DPP10: variants seen among roughly 807,000 people sequenced by gnomAD.
DPP10 encodes dipeptidyl peptidase like 10.
Under a neutral mutation model 120.9 loss-of-function variants are expected in DPP10, and 33 were observed. That is an observed-to-expected ratio of 0.27 (90% CI 0.21 to 0.37). DPP10 has a LOEUF of 0.37. Among genes scored for constraint, DPP10 ranks in the 10% least tolerant of loss-of-function variants. The probability of loss-of-function intolerance (pLI) is 1.00; values close to 1 mark genes in which losing one functional copy is unlikely to be tolerated. For synonymous variants in DPP10, 337 were observed against 326.1 expected (o/e 1.03, Z -0.36); for missense variants, 816 against 942.8 (o/e 0.87, Z 1.76).
At chr2:115,768,198 A>C in intron 12 of DPP10, 99 bp from the exon 13 acceptor site, 1 of 949,186 alleles carries the variant, frequency 1.1e-6, no homozygotes, top group Non-Finnish European at 1.5e-6. Context: ...ACTAATTATA[A>C]ATCAATATTT....
At chr2:114,758,852 G>A (rs1055954906) in intron 1 of DPP10, among the ~76,000 whole-genome samples, 14 of 152,118 alleles carry the variant, frequency 9.2e-5, no homozygotes, top group South Asian at 2.1e-4. Flanking sequence ...AGGTTTCATC[G>A]TGAAATTAAA....
intron 1 of DPP10, among the ~76,000 whole-genome samples, chr2:114,566,906 C>T (rs1689245969): frequency 6.6e-6 from 1 of 152,218 alleles, no homozygotes; most frequent in African/African-American, 2.4e-5. Context: ...TCTGCCCTGG[C>T]ATTATCATGG....
At chr2:114,744,776 T>C (rs1281825867) in intron 1 of DPP10, among the ~76,000 whole-genome samples, 1 of 152,124 alleles carries the variant, frequency 6.6e-6, no homozygotes, top group African/African-American at 2.4e-5. Context: ...AATTTGTTTT[T>C]TTTTAGACGG....
At chr2:115,455,197 T>C (rs1018289059) in intron 3 of DPP10, among the ~76,000 whole-genome samples, 3 of 151,930 alleles carry the variant, frequency 2.0e-5, no homozygotes, top group African/African-American at 7.2e-5. Context: ...GTTCATGAAT[T>C]GTAAGTCTCC....
intron 5 of DPP10, among the ~76,000 whole-genome samples, chr2:115,578,310 T>C (rs2081804719): frequency 6.6e-6 from 1 of 152,182 alleles, no homozygotes; most frequent in African/African-American, 2.4e-5. Flanking sequence ...TGAAAAATAG[T>C]AACTTTCTGT....
intron 3 of DPP10, among the ~76,000 whole-genome samples, chr2:115,388,498 G>A (rs1208572931): frequency 6.6e-6 from 1 of 152,158 alleles, no homozygotes; most frequent in African/African-American, 2.4e-5. Context: ...CACCAGAGTT[G>A]TAGCAGTGGA....
chr2:114,457,923 A>G (rs1426645251), intron 1 of DPP10, among the ~76,000 whole-genome samples: 2 of 152,144 alleles, frequency 1.3e-5, no homozygotes, highest in African/African-American at 2.4e-5. Flanking sequence ...TTATTCCTCT[A>G]TGCCTGCTTG....
At chr2:115,344,721 A>G (rs1002821029) in intron 3 of DPP10, among the ~76,000 whole-genome samples, 7 of 152,188 alleles carry the variant, frequency 4.6e-5, no homozygotes, top group Non-Finnish European at 8.8e-5. Context: ...AAAGGAAATC[A>G]GTTTTTTAAT....
chr2:115,238,377 A>G (rs2058103291), intron 1 of DPP10, among the ~76,000 whole-genome samples: 1 of 152,238 alleles, frequency 6.6e-6, no homozygotes, highest in South Asian at 2.1e-4. Flanking sequence ...TTAACAATGC[A>G]CCTGGTTACC....
chr2:114,500,620 C>A (rs1361018027), intron 1 of DPP10, among the ~76,000 whole-genome samples: 2 of 151,922 alleles, frequency 1.3e-5, no homozygotes, highest in African/African-American at 4.8e-5. Flanking sequence ...ATGACAGGGG[C>A]CTTAAGAGCA....
intron 3 of DPP10, among the ~76,000 whole-genome samples, chr2:115,488,646 C>G (rs564573983): frequency 1.1e-5 from 1 of 94,034 alleles, no homozygotes; most frequent in African/African-American, 4.1e-5. Context: ...AACCAAACAC[C>G]GCATATTCTC....
intron 1 of DPP10, among the ~76,000 whole-genome samples, chr2:114,609,412 G>C (rs1693098226): frequency 6.6e-6 from 1 of 152,140 alleles, no homozygotes. Flanking sequence ...AGCCACAATA[G>C]TCTGTAGGGA....
chr2:115,242,098 A>C (rs954878758), intron 1 of DPP10, among the ~76,000 whole-genome samples: 1 of 152,128 alleles, frequency 6.6e-6, no homozygotes, highest in African/African-American at 2.4e-5. Flanking sequence ...TGGTGCACCC[A>C]TGACCCAAGC....
At position 115,550,896 on chromosome 2, in the gene DPP10, A is replaced by G. The variant is rs2079831622; in HGVS notation, c.441+24924A>G. 2.0e-5 allele frequency among the ~76,000 whole-genome samples: 3 copies of G among 152,196 alleles called. No individual in the cohort carries two copies. In the South Asian group the frequency reaches 6.2e-4, roughly 31 times the overall value. On this transcript the variant is annotated intron_variant, in intron 5 of 25. Transcript: ENST00000410059. ...TCCGTAGTAGTAATCTGGCCCATCC[A>G]CAGATGTGCTTAGGTTTACCCTCAC...
chr2:115,333,806 T>G (rs1475003429), intron 2 of DPP10, among the ~76,000 whole-genome samples: 1 of 152,152 alleles, frequency 6.6e-6, no homozygotes, highest in East Asian at 1.9e-4. Flanking sequence ...GTTAGTCTGA[T>G]GGGCTTCCCT....
At chr2:115,348,645 C>T (rs553035342) in intron 3 of DPP10, among the ~76,000 whole-genome samples, 2 of 152,164 alleles carry the variant, frequency 1.3e-5, no homozygotes, top group East Asian at 3.9e-4. Flanking sequence ...TTGTTTTCCA[C>T]TGTGTCAGAA....
chr2:115,102,766 G>GAA lies in DPP10; in HGVS notation c.61-206464_61-206463dup, dbSNP rs113005001. 4.5e-4 allele frequency among the ~76,000 whole-genome samples: 67 copies of GAA among 149,110 alleles called. 2 individuals are homozygous for GAA. Among genetic ancestry groups the GAA allele is most frequent in the East Asian group, 2.0e-3 (10 of 5,032 alleles). On this transcript the variant is annotated intron_variant, in intron 1 of 25. Coordinates refer to ENST00000410059, the MANE Select transcript of DPP10 (RefSeq NM_020868.6). Reference sequence around the variant, plus strand: ...GACTGAAAAAAAAAAGAGTCATAAAGAAAAAAAAAACTCCTTTTTGCAGCC... The same window carrying GAA: ...GACTGAAAAAAAAAAGAGTCATAAAGAAAAAAAAAAAACTCCTTTTTGCAGCC...
chr2:115,469,892 A>AG, intron 3 of DPP10, among the ~76,000 whole-genome samples: 1 of 148,648 alleles, frequency 6.7e-6, no homozygotes, highest in African/African-American at 2.5e-5. Flanking sequence ...GAGAAAAAAA[A>AG]AAAAAAAGAA....
intron 1 of DPP10, among the ~76,000 whole-genome samples, chr2:114,522,126 C>T (rs1470491452): frequency 4.0e-5 from 6 of 149,442 alleles, no homozygotes; most frequent in African/African-American, 1.2e-4. Context: ...ACTACAGGCG[C>T]CCGCCACTAC....
Sources: allele counts gnomAD v4.1 joint callset (sites outside exome capture counted in the v4.1 genomes callset), GRCh38; gene constraint gnomAD v4.1.1; transcripts MANE v1.5; gene names NCBI Gene and HGNC (gene_info 2026-07-23, HGNC 2026-07-21).